The following PRKCE variants were observed in gnomAD, a reference collection of about 807,000 sequenced individuals.
The protein encoded by PRKCE is protein kinase C epsilon.
PRKCE carries 16 observed loss-of-function variants against 85.4 expected under a neutral mutation model. The ratio of observed to expected loss-of-function variants is 0.19; its 90% CI spans 0.13 to 0.28. The LOEUF (loss-of-function observed/expected upper bound fraction) is 0.28, where lower values mean the gene tolerates loss of function less well. PRKCE is among the 10% of genes least tolerant of loss of function. The pLI, the probability that PRKCE is intolerant of heterozygous loss-of-function variation, is 1.00. For missense variants in PRKCE, 573 were observed against 975.2 expected, an observed-to-expected ratio of 0.59 and a Z score of 5.49; for synonymous variants, 388 against 371.5, an observed-to-expected ratio of 1.04 and a Z score of -0.51.
chr2:45,812,804 G>A (rs543690272), intron 1 of PRKCE, among the ~76,000 whole-genome samples: 1 of 152,200 alleles, frequency 6.6e-6, no homozygotes, highest in Non-Finnish European at 1.5e-5. Flanking sequence ...AGAATTGATA[G>A]CATTGTTCTC....
chr2:46,098,542 G>A (rs1204682253), intron 11 of PRKCE, among the ~76,000 whole-genome samples: 1 of 151,530 alleles, frequency 6.6e-6, no homozygotes, highest in South Asian at 2.1e-4. Context: ...GTAAACTGAT[G>A]AAAACACTTT....
intron 11 of PRKCE, among the ~76,000 whole-genome samples, chr2:46,126,710 C>G (rs780422812): frequency 2.0e-5 from 3 of 152,142 alleles, no homozygotes; most frequent in Non-Finnish European, 4.4e-5. Context: ...AGAACCGGGT[C>G]TATGGTAAGG....
intron 2 of PRKCE, among the ~76,000 whole-genome samples, chr2:45,845,913 C>G (rs1434067419): frequency 6.6e-6 from 1 of 152,188 alleles, no homozygotes; most frequent in Non-Finnish European, 1.5e-5. Flanking sequence ...GAATAGACAT[C>G]TGTCAGAGCT....
chr2:45,667,105 G>T (rs1330725293), intron 1 of PRKCE, among the ~76,000 whole-genome samples: 2 of 152,176 alleles, frequency 1.3e-5, no homozygotes, highest in East Asian at 3.9e-4. Context: ...GAGGTCAGGA[G>T]TTCGAGACCA....
At chr2:46,079,744 T>G (rs1385399681) in intron 10 of PRKCE, among the ~76,000 whole-genome samples, 3 of 152,220 alleles carry the variant, frequency 2.0e-5, no homozygotes, top group African/African-American at 7.2e-5. Context: ...ACCTAACTGC[T>G]GCTAAGGAGA....
At chr2:45,752,875 C>T (rs1019764653) in intron 1 of PRKCE, among the ~76,000 whole-genome samples, 5 of 152,186 alleles carry the variant, frequency 3.3e-5, no homozygotes, top group East Asian at 1.9e-4. Flanking sequence ...AAGTTTTTTA[C>T]GACCCATTTT....
intron 2 of PRKCE, among the ~76,000 whole-genome samples, chr2:45,961,592 C>G (rs375447249): frequency 1.1e-4 from 16 of 152,206 alleles, no homozygotes; most frequent in African/African-American, 3.4e-4. Context: ...CCCATTTAGA[C>G]TTTCAGTTCA....
intron 1 of PRKCE, among the ~76,000 whole-genome samples, chr2:45,719,478 T>G (rs1281371355): frequency 6.6e-6 from 1 of 152,172 alleles, no homozygotes; most frequent in African/African-American, 2.4e-5. Flanking sequence ...GGAAGGACTG[T>G]TTGGGGCTCC....
At chr2:46,005,676 CCTT>C (rs1355509658) in intron 8 of PRKCE, among the ~76,000 whole-genome samples, 5 of 152,150 alleles carry the variant, frequency 3.3e-5, no homozygotes, top group African/African-American at 1.2e-4. Context: ...ATGACCCAGA[CCTT>C]CTTACCCAGG....
At chr2:45,952,380 C>G (rs761600847) in intron 2 of PRKCE, among the ~76,000 whole-genome samples, 3 of 152,228 alleles carry the variant, frequency 2.0e-5, no homozygotes, top group Non-Finnish European at 4.4e-5. Context: ...TGTTCTCTCT[C>G]TCTCATGGGC....
chr2:45,969,320 C>T (rs992074519), intron 2 of PRKCE, among the ~76,000 whole-genome samples: 1 of 152,142 alleles, frequency 6.6e-6, no homozygotes, highest in African/African-American at 2.4e-5. Context: ...TGCAGTGAGG[C>T]AGATGCAGGC....
At chr2:46,064,629 A>C (rs1200624222) in intron 10 of PRKCE, among the ~76,000 whole-genome samples, 1 of 152,246 alleles carries the variant, frequency 6.6e-6, no homozygotes, top group Non-Finnish European at 1.5e-5. Context: ...AGGGAGATAC[A>C]AAGAAGCATT....
chr2:45,667,061 A>T (rs944431707), intron 1 of PRKCE, among the ~76,000 whole-genome samples: 1 of 152,172 alleles, frequency 6.6e-6, no homozygotes, highest in Non-Finnish European at 1.5e-5. Context: ...CTGTAATCCC[A>T]GCACTTTGGG....
chr2:46,061,186 T>C (rs1358282728), intron 10 of PRKCE, among the ~76,000 whole-genome samples: 1 of 147,372 alleles, frequency 6.8e-6, no homozygotes, highest in Non-Finnish European at 1.5e-5. Context: ...CAGGGCTCGC[T>C]GCAGCCTCAA....
At chr2:45,794,856 C>A (rs950258002) in intron 1 of PRKCE, among the ~76,000 whole-genome samples, 2 of 145,126 alleles carry the variant, frequency 1.4e-5, no homozygotes, top group Non-Finnish European at 1.5e-5. Context: ...CCCCCCCCCC[C>A]ATCCACCATT....
At chr2:45,991,167 C>T (rs757093496) in intron 6 of PRKCE, among the ~76,000 whole-genome samples, 20 of 151,040 alleles carry the variant, frequency 1.3e-4, no homozygotes, top group Admixed American at 4.6e-4. Flanking sequence ...CCACCACGCC[C>T]GGCAAATTTT....
At chr2:45,949,402 G>GTTTTTTTTTTTTTTTTATTTTTTTT (rs35033431) in intron 2 of PRKCE, among the ~76,000 whole-genome samples, 1 of 118,746 alleles carries the variant, frequency 8.4e-6, no homozygotes. Flanking sequence ...TATTTTGCTT[G>GTTTTTTTTTTTTTTTTATTTTTTTT]TTTTTTTTTT....
At chr2:46,084,567 A>C (rs567525166) in intron 10 of PRKCE, among the ~76,000 whole-genome samples, 17 of 152,020 alleles carry the variant, frequency 1.1e-4, no homozygotes, top group South Asian at 6.2e-4. Context: ...ACTAAAAATA[A>C]AAAAATTAAC....
chr2:45,885,299 G>A (rs993332241), intron 2 of PRKCE, among the ~76,000 whole-genome samples: 6 of 151,684 alleles, frequency 4.0e-5, no homozygotes, highest in African/African-American at 1.4e-4. Flanking sequence ...ATAAAATGAT[G>A]TGTGTGTCTG....
Sources: gnomAD v4.1 joint callset for allele counts (sites outside exome capture counted in the v4.1 genomes callset) on GRCh38, gnomAD v4.1.1 for gene constraint, MANE v1.5 for transcripts, NCBI Gene and HGNC (gene_info 2026-07-23, HGNC 2026-07-21) for gene names.